The following YY1 variants were observed in gnomAD, a reference collection of about 807,000 sequenced individuals.
YY1 encodes the protein YY1 transcription factor, also known as transcriptional repressor protein YY1.
In YY1, 2 loss-of-function variants were observed where a neutral mutation model predicts 35.6. The observed-to-expected ratio is 0.06, with a 90% CI of 0.02 to 0.18. The LOEUF (loss-of-function observed/expected upper bound fraction) is 0.18. YY1 is among the 10% of genes least tolerant of loss of function. The pLI is 1.00. For synonymous variants in YY1, 268 were observed against 238.9 expected, an observed-to-expected ratio of 1.12 and a Z score of -1.12; for missense variants, 322 against 573.4, an observed-to-expected ratio of 0.56 and a Z score of 4.48.
chr14:100,274,799 T>C, intron 3 of YY1, 41 bp downstream of exon 3: 6 of 1,584,204 alleles, frequency 3.8e-6, no homozygotes, highest in Non-Finnish European at 5.2e-6. Context: ...AAACTGTTGA[T>C]GAAGTTTTAG....
At chr14:100,243,885 C>G (rs1890788392) in intron 1 of YY1, among the ~76,000 whole-genome samples, 1 of 151,666 alleles carries the variant, frequency 6.6e-6, no homozygotes, top group Non-Finnish European at 1.5e-5. Context: ...GCGGGTGGGT[C>G]ACGAGCTCAG....
chr14:100,239,369 G>A lies in YY1; in HGVS notation c.125G>A (p.Gly42Asp), dbSNP rs1280409322. The A allele has an allele frequency of 1.2e-5, 19 of 1,602,212 alleles. No individual in the cohort carries two copies. The highest frequency in any genetic ancestry group is 1.7e-5 in the Admixed American group (1 of 58,770). Residue 42 changes from glycine (G) to aspartate (D), a missense_variant, in exon 1 of 5, where the codon GGC (glycine) becomes GAC (aspartate). Gly to Asp is a moderately conservative substitution (Grantham distance 94). This residue lies in a region of YY1 where 137 missense variants were observed against 167.0 expected (regional missense o/e 0.82). Transcript: ENST00000262238. ...GAGACCATCGAGACCACAGTGGTGG[G>A]CGAGGAGGAGGAGGAGGACGACGAC... is the stretch of plus-strand genomic sequence containing the variant. ...PVETIETTVV[G>D]EEEEEDDDDE...
chr14:100,254,460 C>CTCTTT (rs1025984444), intron 1 of YY1, among the ~76,000 whole-genome samples: 21 of 151,968 alleles, frequency 1.4e-4, no homozygotes, highest in East Asian at 5.8e-4. Flanking sequence ...TGTTTCTTTT[C>CTCTTT]TCTTTTCTTT....
At position 100,239,469 on chromosome 14, in the gene YY1, TCACCACCACCAC is replaced by T; in HGVS notation, c.230_241del (p.His77_His80del). ...ACGCCGGCCACCACCACCACCACCA[TCACCACCACCAC>T]CACCCGCCCATGATCGCTCTGCAGC... On this transcript the variant is annotated inframe_deletion, in exon 1 of 5. Transcript: ENST00000262238. The T allele has an allele frequency of 2.5e-6, 4 of 1,592,886 alleles. No individual in the cohort carries two copies. In the South Asian group the frequency reaches 3.3e-5, roughly 13 times the overall value.
At chr14:100,251,279 G>T (rs1566771982) in intron 1 of YY1, among the ~76,000 whole-genome samples, 1 of 152,204 alleles carries the variant, frequency 6.6e-6, no homozygotes. Flanking sequence ...GGAAGTAGGA[G>T]AGGTGTGAGA....
At chr14:100,249,806 C>T (rs1196633937) in intron 1 of YY1, among the ~76,000 whole-genome samples, 3 of 142,928 alleles carry the variant, frequency 2.1e-5, no homozygotes, top group African/African-American at 8.0e-5. Flanking sequence ...CAGAGTCTTG[C>T]TCTGTCGCCC....
At position 100,276,855 on chromosome 14, in the gene YY1, A is replaced by T; in HGVS notation, c.1062+207A>T. ...TTGTCTATACTCTGTGGTACTGGGT[A>T]CGCAATGTATTGGTGTTGATGGAGT... On this transcript the variant is annotated intron_variant, in intron 4 of 4. Transcript: ENST00000262238. The surrounding 1 kb of genome is among the most constrained non-coding windows in gnomAD (Gnocchi z 4.1). The T allele has an allele frequency of 1.5e-6, 1 of 646,304 alleles. No homozygotes were observed. The highest frequency in any genetic ancestry group is 2.7e-5 in the Admixed American group (1 of 36,698). The allele number at this position is 646,304 out of a possible 1,614,324, so 40.0% of individuals were successfully genotyped here. A position where few individuals can be genotyped will look rare whatever the true frequency, so the allele number is the denominator to read the frequency against.
chr14:100,241,254 C>T (rs1890736563), intron 1 of YY1, among the ~76,000 whole-genome samples: 1 of 152,148 alleles, frequency 6.6e-6, no homozygotes, highest in African/African-American at 2.4e-5. Flanking sequence ...GGAACCTCTT[C>T]CCTATAAGTA....
intron 1 of YY1, among the ~76,000 whole-genome samples, chr14:100,254,779 T>G (rs10147274): frequency 1.8e-5 from 2 of 108,236 alleles, no homozygotes; most frequent in African/African-American, 7.5e-5. Flanking sequence ...TTATTTATTT[T>G]TTTTTTTTTT....
intron 1 of YY1, among the ~76,000 whole-genome samples, chr14:100,257,657 G>A (rs1566774833): frequency 6.6e-6 from 1 of 152,016 alleles, no homozygotes; most frequent in East Asian, 1.9e-4. Flanking sequence ...TGCAAACCAG[G>A]GAGTAGGTCC....
intron 3 of YY1, chr14:100,275,889 ATTTGCCTGCTTCTTCCT>A (rs1338910694): frequency 6.2e-6 from 1 of 161,176 alleles, no homozygotes; most frequent in Non-Finnish European, 1.4e-5. Flanking sequence ...ACTGGTATCA[ATTTGCCTGCTTCTTCCT>A]TTTCCTAGTG....
chr14:100,251,610 C>A (rs1890925246), intron 1 of YY1, among the ~76,000 whole-genome samples: 1 of 152,212 alleles, frequency 6.6e-6, no homozygotes, highest in African/African-American at 2.4e-5. Flanking sequence ...ACTGTTCCCC[C>A]TTAAACCTAG....
intron 1 of YY1, among the ~76,000 whole-genome samples, chr14:100,242,624 G>A (rs1406583997): frequency 5.9e-5 from 9 of 152,116 alleles, no homozygotes; most frequent in Non-Finnish European, 1.3e-4. Flanking sequence ...TCCTAACCTC[G>A]TGATCCGCCT....
At chr14:100,253,692 A>T (rs1287027879) in intron 1 of YY1, among the ~76,000 whole-genome samples, 1 of 152,048 alleles carries the variant, frequency 6.6e-6, no homozygotes, top group African/African-American at 2.4e-5. Context: ...GTACCCAGCC[A>T]ACCAGGGTAA....
Position 100,282,253 on chromosome 14 carries a change from A to G in YY1, c.*4653A>G, listed in dbSNP as rs1471536128. ...CTGATTGATTTTCCACAAGGTGGCA[A>G]GTTTGATCAAATTGACCGCTTTTCA... is the stretch of plus-strand genomic sequence containing the variant. On this transcript the variant is annotated 3_prime_UTR_variant, in exon 5 of 5. Coordinates refer to ENST00000262238, the MANE Select transcript of YY1 (RefSeq NM_003403.5). 6.6e-6 allele frequency: 1 copy of G among 151,698 alleles called. No homozygotes were observed. Among genetic ancestry groups the G allele is most frequent in the African/African-American group, 2.4e-5 (1 of 41,252 alleles). The allele number at this position is 151,698 out of a possible 1,614,324, so 9.4% of individuals were successfully genotyped here. A position where few individuals can be genotyped will look rare whatever the true frequency, so the allele number is the denominator to read the frequency against.
chr14:100,246,136 G>T (rs1052804287), intron 1 of YY1, among the ~76,000 whole-genome samples: 2 of 152,134 alleles, frequency 1.3e-5, no homozygotes, highest in Non-Finnish European at 2.9e-5. Context: ...ATAAACTGCC[G>T]CATAGATGCC....
intron 1 of YY1, among the ~76,000 whole-genome samples, chr14:100,255,314 G>A (rs558939320): frequency 6.6e-6 from 1 of 152,014 alleles, no homozygotes; most frequent in South Asian, 2.1e-4. Context: ...GCAAGAAACT[G>A]ATATTATTTG....
intron 2 of YY1, among the ~76,000 whole-genome samples, chr14:100,273,248 A>G (rs958283711): frequency 6.6e-6 from 1 of 151,972 alleles, no homozygotes; most frequent in African/African-American, 2.4e-5. Context: ...TACAGGTGTG[A>G]GCCACTACGC....
At chr14:100,241,971 T>A (rs1162117144) in intron 1 of YY1, among the ~76,000 whole-genome samples, 6 of 57,104 alleles carry the variant, frequency 1.1e-4, no homozygotes, top group African/African-American at 4.2e-4. Context: ...CGAGACTCTG[T>A]CTCAAAAGGG....
Sources: gnomAD v4.1 joint callset for allele counts (sites outside exome capture counted in the v4.1 genomes callset) on GRCh38, gnomAD v4.1.1 for gene constraint, gnomAD v4.1.1 regional missense constraint, Gnocchi (gnomAD v3.1) non-coding constraint, MANE v1.5 for transcripts, NCBI Gene and HGNC (gene_info 2026-07-23, HGNC 2026-07-21) for gene names.